The following PDS5B variants were observed in gnomAD, a reference collection of about 807,000 sequenced individuals.
The protein encoded by PDS5B is PDS5 cohesin associated factor B.
In PDS5B, 51 loss-of-function variants were observed where a neutral mutation model predicts 184.1. The observed-to-expected ratio is 0.28, with a 90% CI of 0.22 to 0.35. The LOEUF is 0.35. Ranked by LOEUF, PDS5B falls within the 10% of genes least tolerant of loss-of-function variation. The probability of loss-of-function intolerance (pLI) is 1.00; values close to 1 mark genes in which losing one functional copy is unlikely to be tolerated. For missense variants in PDS5B, 1,180 were observed against 1,723.3 expected (o/e 0.68, Z 5.58); for synonymous variants, 566 against 569.2 (o/e 0.99, Z 0.08).
intron 33 of PDS5B, among the ~76,000 whole-genome samples, chr13:32,771,898 A>T (rs969534341): frequency 5.3e-5 from 8 of 151,960 alleles, no homozygotes; most frequent in African/African-American, 1.7e-4. Context: ...TGCTCTCCTA[A>T]AATTACACAA....
intron 1 of PDS5B, among the ~76,000 whole-genome samples, chr13:32,615,475 G>A (rs2058204291): frequency 1.3e-5 from 2 of 152,246 alleles, no homozygotes; most frequent in Middle Eastern, 6.8e-3. Context: ...ATTATATAAA[G>A]CATGTGTATT....
intron 21 of PDS5B, among the ~76,000 whole-genome samples, chr13:32,739,720 G>A (rs1435518095): frequency 1.3e-5 from 2 of 151,912 alleles, no homozygotes; most frequent in Admixed American, 1.3e-4. Flanking sequence ...GGTTTATTTT[G>A]ATGTTATTCT....
chr13:32,674,113 G>A (rs1951007384), intron 8 of PDS5B, among the ~76,000 whole-genome samples: 1 of 152,102 alleles, frequency 6.6e-6, no homozygotes, highest in Admixed American at 6.5e-5. Flanking sequence ...ACCCCTGACC[G>A]AGTGAAATTT....
chr13:32,665,588 CAAAAAAAAAAA>C (rs34604938), intron 6 of PDS5B, among the ~76,000 whole-genome samples: 20 of 25,874 alleles, frequency 7.7e-4, no homozygotes, highest in African/African-American at 1.7e-3. Context: ...GACTCCGACT[CAAAAAAAAAAA>C]AAAAAAAAAA....
In PDS5B at chr13:32,658,124, CTTTATAG is replaced by C. The variant is rs1351471017; in HGVS notation, c.313-109_313-103del. On this transcript the variant is annotated intron_variant, in intron 3 of 34. Transcript: ENST00000315596. Reference sequence around the variant, plus strand: ...AGCCAAATAAAATTTTTTTCTGGTTCTTTATAGTTTATTATGATATGTACACATGAGT... The same window carrying C: ...AGCCAAATAAAATTTTTTTCTGGTTCTTTATTATGATATGTACACATGAGT... 5 of 499,376 alleles carry C rather than the reference CTTTATAG, an allele frequency of 1.0e-5. No individual in the cohort carries two copies. In the Admixed American group the frequency reaches 1.6e-4, roughly 16 times the overall value. 30.9% of individuals were successfully genotyped at this position (499,376 alleles called of 1,614,324 possible).
chr13:32,741,285 G>A (rs1356218639), intron 22 of PDS5B, 137 bp downstream of exon 22: 4 of 535,656 alleles, frequency 7.5e-6, no homozygotes, highest in Non-Finnish European at 1.3e-5. Flanking sequence ...TGTCTTATGT[G>A]CTGTGAGACT....
intron 9 of PDS5B, among the ~76,000 whole-genome samples, chr13:32,678,511 C>G (rs1015245550): frequency 6.6e-6 from 1 of 152,172 alleles, no homozygotes; most frequent in African/African-American, 2.4e-5. Context: ...TATATGCACA[C>G]TTGCATAAAT....
Position 32,775,097 on chromosome 13 carries a change from C to CTATTTTT in PDS5B, c.*46_*47insATTTTTT. 1 of 862,708 alleles carries CTATTTTT rather than the reference C, an allele frequency of 1.2e-6. No homozygotes were observed. Among genetic ancestry groups the CTATTTTT allele is most frequent in the African/African-American group, 2.0e-5 (1 of 49,046 alleles). 53.4% of individuals were successfully genotyped at this position (862,708 alleles called of 1,614,324 possible). On this transcript the variant is annotated 3_prime_UTR_variant, in exon 35 of 35. Coordinates refer to ENST00000315596, the MANE Select transcript of PDS5B (RefSeq NM_015032.4). ...TTCTCTGTGAAAGCTTTGGAAAAAT[C>CTATTTTT]TTTTTTTTTTTTTTTGGTCAAGCTT...
At chr13:32,714,231 C>T (rs1952297983) in intron 19 of PDS5B, among the ~76,000 whole-genome samples, 1 of 152,050 alleles carries the variant, frequency 6.6e-6, no homozygotes, top group East Asian at 1.9e-4. Context: ...AATGAAGTTT[C>T]GGGCACCATT....
chr13:32,730,905 G>A (rs1279529261), intron 19 of PDS5B, among the ~76,000 whole-genome samples: 1 of 152,132 alleles, frequency 6.6e-6, no homozygotes, highest in Non-Finnish European at 1.5e-5. Flanking sequence ...GTGACTATTT[G>A]ACTTCCTCTC....
intron 1 of PDS5B, among the ~76,000 whole-genome samples, chr13:32,621,641 A>T (rs1433188494): frequency 4.6e-5 from 7 of 151,512 alleles, no homozygotes; most frequent in Middle Eastern, 3.4e-3. Flanking sequence ...CAGGTTTTAC[A>T]TTTCTTCTTG....
In PDS5B at chr13:32,687,189, C is replaced by T; in HGVS notation, c.1259C>T (p.Ala420Val). 2 of 1,609,786 alleles carry T rather than the reference C, an allele frequency of 1.2e-6. No homozygotes were observed. The highest frequency in any genetic ancestry group is 1.7e-6 in the Non-Finnish European group (2 of 1,178,194). Residue 420 changes from alanine to valine, a missense_variant, in exon 12 of 35, where the codon GCT becomes GTT. Physicochemically the swap from Ala to Val is moderately conservative, Grantham distance 64. Coordinates refer to ENST00000315596, the MANE Select transcript of PDS5B (RefSeq NM_015032.4). ...MGLAQIYKKYALQSAAGKDAA... is the reference protein window; with the variant it reads ...MGLAQIYKKYVLQSAAGKDAA... ...CTTGCCCAAATTTATAAGAAATATG[C>T]TTTACAGTCAGCAGCTGGAAAAGAT... is the stretch of plus-strand genomic sequence containing the variant.
At chr13:32,730,227 G>A (rs1005078473) in intron 19 of PDS5B, among the ~76,000 whole-genome samples, 1 of 152,042 alleles carries the variant, frequency 6.6e-6, no homozygotes. Context: ...GCTTGTTTTT[G>A]TCAGGTTTGT....
chr13:32,748,511 G>A (rs1443070389), intron 24 of PDS5B, among the ~76,000 whole-genome samples: 1 of 149,790 alleles, frequency 6.7e-6, no homozygotes, highest in Non-Finnish European at 1.5e-5. Flanking sequence ...ATCTGTCTAG[G>A]ATCAACTTCT....
intron 10 of PDS5B, among the ~76,000 whole-genome samples, chr13:32,680,750 T>C (rs985763945): frequency 6.6e-6 from 1 of 152,214 alleles, no homozygotes; most frequent in Non-Finnish European, 1.5e-5. Context: ...CCTATGCCTT[T>C]TGAAGAGTGT....
chr13:32,688,052 C>T (rs1951446292), intron 12 of PDS5B, among the ~76,000 whole-genome samples: 1 of 151,884 alleles, frequency 6.6e-6, no homozygotes, highest in African/African-American at 2.4e-5. Flanking sequence ...GTACTTTTAG[C>T]CAGGTCTGTT....
intron 1 of PDS5B, among the ~76,000 whole-genome samples, chr13:32,615,616 T>C (rs1054977767): frequency 2.0e-5 from 3 of 152,192 alleles, no homozygotes; most frequent in African/African-American, 4.8e-5. Context: ...GAGACACTTA[T>C]TGAACTTCTA....
chr13:32,615,477 A>C (rs1267976973), intron 1 of PDS5B, among the ~76,000 whole-genome samples: 1 of 152,224 alleles, frequency 6.6e-6, no homozygotes, highest in African/African-American at 2.4e-5. Context: ...TATATAAAGC[A>C]TGTGTATTGA....
At chr13:32,763,641 A>T (rs999214594) in intron 30 of PDS5B, 3 of 152,164 alleles carry the variant, frequency 2.0e-5, no homozygotes, top group African/African-American at 7.2e-5. Flanking sequence ...TTAAGGGTGT[A>T]TCCTGGGCTT....
Sources: gnomAD v4.1 joint callset for allele counts (sites outside exome capture counted in the v4.1 genomes callset) on GRCh38, gnomAD v4.1.1 for gene constraint, MANE v1.5 for transcripts, NCBI Gene and HGNC (gene_info 2026-07-23, HGNC 2026-07-21) for gene names.